Variants in ZMAT4 observed in about 807,000 individuals in gnomAD.
The protein encoded by ZMAT4 is zinc finger matrin-type protein 4.
Under a neutral mutation model 28.7 loss-of-function variants are expected in ZMAT4, and 17 were observed. The observed-to-expected ratio is 0.59, with a 90% CI of 0.41 to 0.89. ZMAT4 has a LOEUF of 0.89. Ranked by LOEUF, ZMAT4 falls within the 40% of genes least tolerant of loss-of-function variation. ZMAT4 has a pLI of 0.00. For synonymous variants in ZMAT4, 117 were observed against 109.2 expected (o/e 1.07, Z -0.44); for missense variants, 240 against 283.8 (o/e 0.85, Z 1.11).
intron 1 of ZMAT4, among the ~76,000 whole-genome samples, chr8:40,827,479 C>T (rs954247311): frequency 2.0e-5 from 3 of 152,102 alleles, no homozygotes; most frequent in African/African-American, 7.2e-5. Context: ...ATAACCAGAC[C>T]ACATTCATAA....
chr8:40,804,016 A>T (rs1009384736), intron 2 of ZMAT4, among the ~76,000 whole-genome samples: 49 of 152,360 alleles, frequency 3.2e-4, no homozygotes, highest in African/African-American at 1.2e-3. Context: ...CAACTATATG[A>T]CATTCTAGAA....
At chr8:40,581,616 C>T (rs114667831) in intron 5 of ZMAT4, among the ~76,000 whole-genome samples, 119 of 152,284 alleles carry the variant, frequency 7.8e-4, no homozygotes, top group African/African-American at 2.7e-3. Flanking sequence ...AAATTTGAGA[C>T]TCCAGAGAAA....
chr8:40,746,161 A>C (rs1297711385), intron 3 of ZMAT4, among the ~76,000 whole-genome samples: 5 of 150,416 alleles, frequency 3.3e-5, no homozygotes, highest in Non-Finnish European at 5.9e-5. Context: ...CCGCAGAGGA[A>C]CTGCCACTCC....
At chr8:40,820,903 T>A (rs62642082) in intron 2 of ZMAT4, among the ~76,000 whole-genome samples, 103 of 27,838 alleles carry the variant, frequency 3.7e-3, no homozygotes, top group African/African-American at 0.011. Context: ...ATGTGTGTGT[T>A]TGTGTGTATG....
At chr8:40,680,906 C>A (rs1019748825) in intron 4 of ZMAT4, among the ~76,000 whole-genome samples, 2 of 152,066 alleles carry the variant, frequency 1.3e-5, no homozygotes, top group African/African-American at 4.8e-5. Context: ...GATGTGGGGG[C>A]TTTTGATATA....
intron 5 of ZMAT4, among the ~76,000 whole-genome samples, chr8:40,602,969 C>T (rs904358373): frequency 2.6e-5 from 4 of 152,120 alleles, no homozygotes; most frequent in Non-Finnish European, 5.9e-5. Context: ...GGTTCTTGGT[C>T]ATGAACTCTT....
At chr8:40,625,360 T>G (rs1373290000) in intron 5 of ZMAT4, among the ~76,000 whole-genome samples, 1 of 152,102 alleles carries the variant, frequency 6.6e-6, no homozygotes, top group Non-Finnish European at 1.5e-5. Context: ...AGTAGAGGCA[T>G]GTGATCATCT....
chr8:40,825,430 G>A, intron 2 of ZMAT4, 145 bp downstream of exon 2: 1 of 633,850 alleles, frequency 1.6e-6, no homozygotes, highest in Middle Eastern at 4.4e-4. Context: ...ACTTGTCCTG[G>A]CCTTGACCTC....
At chr8:40,546,834 G>A (rs1378731378) in intron 6 of ZMAT4, among the ~76,000 whole-genome samples, 1 of 152,140 alleles carries the variant, frequency 6.6e-6, no homozygotes, top group Non-Finnish European at 1.5e-5. Context: ...ATAAAGCTGC[G>A]ATGGATTGTG....
chr8:40,701,738 G>T (rs892169369), intron 3 of ZMAT4, among the ~76,000 whole-genome samples: 19 of 151,598 alleles, frequency 1.3e-4, no homozygotes, highest in African/African-American at 4.6e-4. Context: ...AGCTAGTCTC[G>T]AACTCCTGAC....
chr8:40,836,063 G>A lies in ZMAT4; in HGVS notation c.-4-10383C>T, dbSNP rs142076583. 2.9e-4 allele frequency among the ~76,000 whole-genome samples: 44 copies of A among 152,252 alleles called. No individual in the cohort carries two copies. In the East Asian group the frequency reaches 6.4e-3, roughly 22 times the overall value. The stretch of plus-strand genomic sequence containing the variant: ...AAATCTCTACACAGCAGCCTCCCCC[G>A]TCCATGAAATCTTTCCGTTAGAACT... On this transcript the variant is annotated intron_variant, in intron 1 of 6. Transcript: ENST00000297737.
chr8:40,714,033 C>T (rs1810745202), intron 3 of ZMAT4, among the ~76,000 whole-genome samples: 2 of 149,736 alleles, frequency 1.3e-5, no homozygotes, highest in South Asian at 4.2e-4. Context: ...ACCTAAGGAA[C>T]ATAAAATTAT....
At chr8:40,538,578 A>G (rs1802922751) in intron 6 of ZMAT4, among the ~76,000 whole-genome samples, 1 of 152,090 alleles carries the variant, frequency 6.6e-6, no homozygotes, top group Non-Finnish European at 1.5e-5. Context: ...GTCGACGACA[A>G]CATATTAGCC....
intron 1 of ZMAT4, among the ~76,000 whole-genome samples, chr8:40,847,221 A>AC (rs1434672443): frequency 3.3e-5 from 5 of 151,362 alleles, no homozygotes; most frequent in African/African-American, 9.7e-5. Context: ...AAACAAACAA[A>AC]AAAAAAAAAC....
intron 5 of ZMAT4, among the ~76,000 whole-genome samples, chr8:40,659,000 C>A (rs186888934): frequency 6.6e-6 from 1 of 152,218 alleles, no homozygotes; most frequent in African/African-American, 2.4e-5. Flanking sequence ...TCTGATTACT[C>A]TAGCATTAGT....
Position 40,602,914 on chromosome 8 carries a change from T to TCC in ZMAT4, c.578-21654_578-21653insGG, listed in dbSNP as rs1409017402. On this transcript the variant is annotated intron_variant, in intron 5 of 6. Coordinates refer to ENST00000297737, the MANE Select transcript of ZMAT4 (RefSeq NM_024645.3). Reference sequence around the variant, plus strand: ...AGCTGTGCAGAAGTTTTTAGTTTAATTAAGTCCCATCCATTTATCTTTGTT... The same window carrying TCC: ...AGCTGTGCAGAAGTTTTTAGTTTAATCCTAAGTCCCATCCATTTATCTTTGTT... Among the ~76,000 whole-genome samples, 36 of 152,338 alleles carry TCC rather than the reference T, an allele frequency of 2.4e-4. No individual in the cohort carries two copies. The East Asian group carries it at 6.7e-3, about 29-fold the overall frequency.
Position 40,881,431 on chromosome 8 carries a change from G to GAA in ZMAT4, c.-5+16251_-5+16252insTT, listed in dbSNP as rs1818220211. Among the ~76,000 whole-genome samples, 11 of 101,732 alleles carry GAA rather than the reference G, an allele frequency of 1.1e-4. No individual in the cohort carries two copies. In the East Asian group the frequency reaches 1.4e-3, roughly 13 times the overall value. The allele number at this position is 101,732 out of a possible 152,430, so 66.7% of individuals were successfully genotyped here. A position where few individuals can be genotyped will look rare whatever the true frequency, so the allele number is the denominator to read the frequency against. ...GAAAGAAAGGAAGAAAAAGAAGAAA[G>GAA]AGAGAAAGAAAGAAAGAAAGAAAGA... On this transcript the variant is annotated intron_variant, in intron 1 of 6. Transcript: ENST00000297737.
intron 3 of ZMAT4, among the ~76,000 whole-genome samples, chr8:40,736,629 T>A (rs114602370): frequency 3.2e-4 from 48 of 152,124 alleles, no homozygotes; most frequent in African/African-American, 1.1e-3. Flanking sequence ...ATTGCACAAA[T>A]ACATAACAAA....
intron 5 of ZMAT4, among the ~76,000 whole-genome samples, chr8:40,603,677 G>A (rs1805478857): frequency 6.6e-6 from 1 of 152,150 alleles, no homozygotes; most frequent in African/African-American, 2.4e-5. Flanking sequence ...TGCCCAGGCT[G>A]GAGTGCAGTG....
Sources: allele counts gnomAD v4.1 joint callset (sites outside exome capture counted in the v4.1 genomes callset), GRCh38; gene constraint gnomAD v4.1.1; transcripts MANE v1.5; gene names NCBI Gene and HGNC (gene_info 2026-07-23, HGNC 2026-07-21).